The following LRCH3 variants were observed in gnomAD, a reference collection of about 807,000 sequenced individuals.
LRCH3 encodes the protein DISP complex protein LRCH3.
LRCH3 carries 68 observed loss-of-function variants against 104.5 expected under a neutral mutation model. That is an observed-to-expected ratio of 0.65 (90% CI 0.54 to 0.80). LRCH3 has a LOEUF of 0.80. LRCH3 is among the 30% of genes least tolerant of loss of function. The pLI is 0.00. For missense variants in LRCH3, 951 were observed against 953.9 expected, an observed-to-expected ratio of 1.00 and a Z score of 0.04; for synonymous variants, 344 against 361.3, an observed-to-expected ratio of 0.95 and a Z score of 0.54.
Position 197,874,024 on chromosome 3 carries a change from GAAAAA to G in LRCH3, c.2131-1660_2131-1656del, listed in dbSNP as rs34903890. ...GACAGAGTGAGACTCTGTCTCAAAA[GAAAAA>G]AAAAAAAAAAAAAGACTGAAAGGAA... is the stretch of plus-strand genomic sequence containing the variant. On this transcript the variant is annotated intron_variant, in intron 19 of 20. Transcript: ENST00000425562. 9.8e-4 allele frequency among the ~76,000 whole-genome samples: 110 copies of G among 112,284 alleles called. 1 individual carries two copies. In the East Asian group the frequency reaches 0.017, roughly 17 times the overall value. 73.7% of individuals were successfully genotyped at this position (112,284 alleles called of 152,430 possible). A position where few individuals can be genotyped will look rare whatever the true frequency, so the allele number is the denominator to read the frequency against.
chr3:197,827,201 A>G (rs1735315811), intron 5 of LRCH3, among the ~76,000 whole-genome samples, 187 bp downstream of exon 5: 1 of 152,158 alleles, frequency 6.6e-6, no homozygotes, highest in Non-Finnish European at 1.5e-5. Flanking sequence ...AGCATCAGGT[A>G]GACCATGGTG....
At chr3:197,805,194 A>G (rs2109132533) in intron 1 of LRCH3, among the ~76,000 whole-genome samples, 1 of 152,290 alleles carries the variant, frequency 6.6e-6, no homozygotes, top group East Asian at 1.9e-4. Flanking sequence ...CGCCTGGCCA[A>G]GAAAGCCATT....
intron 1 of LRCH3, among the ~76,000 whole-genome samples, chr3:197,793,452 A>G (rs890262246): frequency 1.3e-5 from 2 of 152,182 alleles, no homozygotes; most frequent in South Asian, 2.1e-4. Context: ...GGAGATGGCT[A>G]TATGGTATAG....
intron 10 of LRCH3, among the ~76,000 whole-genome samples, chr3:197,840,101 C>G (rs970887821): frequency 6.6e-6 from 1 of 151,938 alleles, no homozygotes; most frequent in African/African-American, 2.4e-5. Flanking sequence ...GTCCTGTCTC[C>G]GTTAATACAC....
rs57432547 is a variant in LRCH3, at chr3:197,878,789, C to G, written c.2208+3014C>G. Among the ~76,000 whole-genome samples the G allele has an allele frequency of 3.3e-5, 5 of 152,234 alleles. No homozygotes were observed. The South Asian group carries it at 8.3e-4, about 25-fold the overall frequency. ...GGAAGAGAAGAAACTTCTACCTCCT[C>G]GTCTTCCTTTTTCTCCTGGTCTCCA... On this transcript the variant is annotated intron_variant, in intron 20 of 20. Coordinates refer to ENST00000425562, the MANE Select transcript of LRCH3 (RefSeq NM_001365715.1).
chr3:197,843,404 C>G (rs1372777772), intron 10 of LRCH3, among the ~76,000 whole-genome samples: 1 of 152,058 alleles, frequency 6.6e-6, no homozygotes, highest in East Asian at 1.9e-4. Context: ...CAGCACTATA[C>G]TGGCCGGGTG....
intron 15 of LRCH3, among the ~76,000 whole-genome samples, chr3:197,863,893 T>C (rs1741161702): frequency 6.6e-6 from 1 of 152,254 alleles, no homozygotes; most frequent in Non-Finnish European, 1.5e-5. Flanking sequence ...AGAAATACTA[T>C]TAGAAAATAA....
chr3:197,839,279 G>C (rs775180436), intron 9 of LRCH3, 42 bp from the exon 10 acceptor site: 2 of 1,347,588 alleles, frequency 1.5e-6, no homozygotes, highest in Non-Finnish European at 2.1e-6. Flanking sequence ...CAGTGTTCTG[G>C]ATTAATATAC....
chr3:197,794,281 T>C (rs1462103149), intron 1 of LRCH3, among the ~76,000 whole-genome samples: 1 of 152,236 alleles, frequency 6.6e-6, no homozygotes, highest in Non-Finnish European at 1.5e-5. Flanking sequence ...AAATAGGTGT[T>C]GCTGTTCCTG....
At position 197,791,391 on chromosome 3, in the gene LRCH3, C is replaced by A. The variant is rs753097716; in HGVS notation, c.113C>A (p.Pro38His). 6.3e-7 allele frequency: 1 copy of A among 1,595,620 alleles called. No homozygotes were observed. The highest frequency in any genetic ancestry group is 8.5e-7 in the Non-Finnish European group (1 of 1,172,796). Residue 38 changes from proline (P) to histidine (H), a missense_variant, in exon 1 of 21, where the codon CCT (proline) becomes CAT (histidine). Transcript: ENST00000425562. ...VHCGPSSGAGPGFGPGSWSRS... is the reference protein window; with the variant it reads ...VHCGPSSGAGHGFGPGSWSRS... ...TGCGGCCCAAGCTCCGGGGCAGGCCCTGGTTTTGGCCCGGGCTCGTGGAGC... is the reference window on the plus strand; with the variant it reads ...TGCGGCCCAAGCTCCGGGGCAGGCCATGGTTTTGGCCCGGGCTCGTGGAGC...
rs1174125076 is a variant in LRCH3 at position 197,881,544 on chromosome 3, CTTCTTAATAG to C, written c.2209-1995_2209-1986del. 3.0e-6 allele frequency: 3 copies of C among 984,224 alleles called. No homozygotes were observed. The East Asian group carries it at 3.5e-4, about 115-fold the overall frequency. The allele number at this position is 984,224 out of a possible 1,614,324, so 61.0% of individuals were successfully genotyped here. On this transcript the variant is annotated intron_variant, in intron 20 of 20. Transcript: ENST00000425562. ...TATGTGATTTCTAACATATTCAAACCTTCTTAATAGTGAAACAGTAGCAGGAGAAGTATTA... is the reference window on the plus strand; with the variant it reads ...TATGTGATTTCTAACATATTCAAACCTGAAACAGTAGCAGGAGAAGTATTA...
At chr3:197,800,484 CTACTTTACAAGT>C (rs1340698019) in intron 1 of LRCH3, among the ~76,000 whole-genome samples, 2 of 152,146 alleles carry the variant, frequency 1.3e-5, no homozygotes, top group African/African-American at 4.8e-5. Context: ...ACAGTGGGTA[CTACTTTACAAGT>C]TGATGATTCC....
At position 197,883,458 on chromosome 3, in the gene LRCH3, A is replaced by C. The variant is rs1713959717; in HGVS notation, c.2209-83A>C. The C allele has an allele frequency of 1.4e-6, 2 of 1,457,906 alleles. No homozygotes were observed. The highest frequency in any genetic ancestry group is 2.8e-5 in the African/African-American group (2 of 70,752). 90.3% of individuals were successfully genotyped at this position (1,457,906 alleles called of 1,614,324 possible). On this transcript the variant is annotated intron_variant, in intron 20 of 20. Coordinates refer to ENST00000425562, the MANE Select transcript of LRCH3 (RefSeq NM_001365715.1). The surrounding 1 kb of genome is among the most constrained non-coding windows in gnomAD (Gnocchi z 4.2). ...TAAGTTGATGATTGTGAAGGGGAGA[A>C]GTGCTTATTTTTTCCTTTCAGTTCT... is the stretch of plus-strand genomic sequence containing the variant.
chr3:197,847,379 T>C, intron 10 of LRCH3, 30 bp from the exon 11 acceptor site: 1 of 1,562,960 alleles, frequency 6.4e-7, no homozygotes. Context: ...TCAAAGAGTT[T>C]TTTTCTTTCT....
At chr3:197,835,446 C>G (rs1164529653) in intron 8 of LRCH3, among the ~76,000 whole-genome samples, 8 of 148,514 alleles carry the variant, frequency 5.4e-5, no homozygotes, top group Non-Finnish European at 4.4e-5. Context: ...CTCCACCTCC[C>G]AAAGTGCTGG....
chr3:197,855,025 G>A (rs942976050), intron 14 of LRCH3, among the ~76,000 whole-genome samples: 1 of 152,090 alleles, frequency 6.6e-6, no homozygotes, highest in African/African-American at 2.4e-5. Flanking sequence ...AAGATGGAAG[G>A]TTTATTTAAC....
chr3:197,802,253 T>C (rs1277713566), intron 1 of LRCH3, among the ~76,000 whole-genome samples: 1 of 152,226 alleles, frequency 6.6e-6, no homozygotes, highest in Non-Finnish European at 1.5e-5. Context: ...GATCCTGTAT[T>C]CACAGTTCCA....
At chr3:197,793,258 A>G (rs1323574034) in intron 1 of LRCH3, among the ~76,000 whole-genome samples, 1 of 152,242 alleles carries the variant, frequency 6.6e-6, no homozygotes, top group Non-Finnish European at 1.5e-5. Flanking sequence ...GCTGTAGTTT[A>G]AAATAGAAGA....
Position 197,830,904 on chromosome 3 carries a change from A to G in LRCH3, c.981+41A>G, listed in dbSNP as rs376711969. 9 of 1,425,864 alleles carry G rather than the reference A, an allele frequency of 6.3e-6. No individual in the cohort carries two copies. In the African/African-American group the frequency reaches 7.1e-5, roughly 11 times the overall value. 88.3% of individuals were successfully genotyped at this position (1,425,864 alleles called of 1,614,324 possible). On this transcript the variant is annotated intron_variant, in intron 7 of 20. Coordinates refer to ENST00000425562, the MANE Select transcript of LRCH3 (RefSeq NM_001365715.1). ...GTTCCGTGTGTTATAACACCTGATT[A>G]AGAGAAAACAGAATGATGAAAATGA...
Sources: allele counts gnomAD v4.1 joint callset (sites outside exome capture counted in the v4.1 genomes callset), GRCh38; gene constraint gnomAD v4.1.1; non-coding constraint Gnocchi (gnomAD v3.1); transcripts MANE v1.5; gene names NCBI Gene and HGNC (gene_info 2026-07-23, HGNC 2026-07-21).